SUSD6: variants seen among roughly 807,000 people sequenced by gnomAD.
The protein encoded by SUSD6 is sushi domain-containing protein 6.
Under a neutral mutation model 28.4 loss-of-function variants are expected in SUSD6, and 16 were observed. That is an observed-to-expected ratio of 0.56 (90% CI 0.38 to 0.86). The LOEUF (loss-of-function observed/expected upper bound fraction) is 0.86. Ranked by LOEUF, SUSD6 falls within the 40% of genes least tolerant of loss-of-function variation. SUSD6 has a pLI of 0.00. For missense variants in SUSD6, 341 were observed against 384.2 expected, an observed-to-expected ratio of 0.89 and a Z score of 0.94; for synonymous variants, 147 against 159.6, an observed-to-expected ratio of 0.92 and a Z score of 0.59.
chr14:69,703,708 T>C (rs906971198), intron 3 of SUSD6, 116 bp downstream of exon 3: 7 of 905,504 alleles, frequency 7.7e-6, no homozygotes, highest in Non-Finnish European at 1.2e-5. Context: ...CCAGCCCCAG[T>C]TGATGCTCTG....
rs1243734984 is a variant in SUSD6, at chr14:69,708,899, T to G, written c.681T>G (p.Gly227=). The G allele has an allele frequency of 3.1e-6, 5 of 1,613,958 alleles. No individual in the cohort carries two copies. Among genetic ancestry groups the G allele is most frequent in the Non-Finnish European group, 4.2e-6 (5 of 1,179,954 alleles). The part of the protein sequence containing the change: ...LPDQGACSSA[G]GEDEAPGQSG... ...ACCAAGGGGCCTGCTCCTCTGCAGGTGGAGAAGATGAGGCCCCAGGCCAGT... is the reference window on the plus strand; with the variant it reads ...ACCAAGGGGCCTGCTCCTCTGCAGGGGGAGAAGATGAGGCCCCAGGCCAGT... Residue 227 remains glycine (G), a synonymous_variant, in exon 5 of 6, where the codon GGT becomes GGG. Coordinates refer to ENST00000342745, the MANE Select transcript of SUSD6 (RefSeq NM_014734.4).
At chr14:69,661,734 A>G (rs910690731) in intron 2 of SUSD6, among the ~76,000 whole-genome samples, 1 of 152,072 alleles carries the variant, frequency 6.6e-6, no homozygotes, top group African/African-American at 2.4e-5. Flanking sequence ...GATCTCAGAT[A>G]CTCTGAAGCC....
At chr14:69,654,790 G>GTGTGT (rs1491558166) in intron 1 of SUSD6, among the ~76,000 whole-genome samples, 3 of 98,986 alleles carry the variant, frequency 3.0e-5, no homozygotes, top group African/African-American at 1.2e-4. Context: ...TTTTTTTTTT[G>GTGTGT]GTGTGTGTGT....
chr14:69,660,722 G>A (rs1885649762), intron 2 of SUSD6, among the ~76,000 whole-genome samples: 1 of 152,216 alleles, frequency 6.6e-6, no homozygotes, highest in Admixed American at 6.5e-5. Context: ...TTTTTAAATG[G>A]TTGGAAAAAT....
At chr14:69,633,959 G>A (rs1447994683) in intron 1 of SUSD6, among the ~76,000 whole-genome samples, 3 of 152,206 alleles carry the variant, frequency 2.0e-5, no homozygotes, top group African/African-American at 4.8e-5. Context: ...AGCAGCAGCT[G>A]GAGGCTGGGG....
rs1886517068 is a variant in SUSD6, at chr14:69,714,449, A to G, written c.*3470A>G. Reference sequence around the variant, plus strand: ...TCCTTACTCCTCACCCCCAAAGAAAAAAAAAAGGCCTAGCAGGGAAGCAGC... The same window carrying G: ...TCCTTACTCCTCACCCCCAAAGAAAGAAAAAAGGCCTAGCAGGGAAGCAGC... On this transcript the variant is annotated 3_prime_UTR_variant, in exon 6 of 6. Transcript: ENST00000342745. The G allele has an allele frequency of 6.6e-6, 1 of 152,142 alleles. No individual in the cohort carries two copies. Among genetic ancestry groups the G allele is most frequent in the South Asian group, 2.1e-4 (1 of 4,824 alleles). The allele number at this position is 152,142 out of a possible 1,614,324, so 9.4% of individuals were successfully genotyped here.
At chr14:69,636,781 TG>T (rs1344036190) in intron 1 of SUSD6, among the ~76,000 whole-genome samples, 3 of 152,152 alleles carry the variant, frequency 2.0e-5, no homozygotes, top group African/African-American at 7.2e-5. Context: ...CCTAGCCTAG[TG>T]GAGAACAGTT....
chr14:69,659,306 T>C (rs916842387), intron 2 of SUSD6, among the ~76,000 whole-genome samples: 1 of 152,202 alleles, frequency 6.6e-6, no homozygotes, highest in Non-Finnish European at 1.5e-5. Context: ...ACACTACAAA[T>C]GTTGTGATCT....
At chr14:69,701,702 T>G (rs546817410) in intron 2 of SUSD6, among the ~76,000 whole-genome samples, 1 of 152,136 alleles carries the variant, frequency 6.6e-6, no homozygotes, top group Non-Finnish European at 1.5e-5. Context: ...TAGAGGGGAC[T>G]TGGGGGGAGC....
At chr14:69,685,406 A>G (rs1158401928) in intron 2 of SUSD6, among the ~76,000 whole-genome samples, 1 of 152,214 alleles carries the variant, frequency 6.6e-6, no homozygotes, top group Non-Finnish European at 1.5e-5. Context: ...CTGATTGCAC[A>G]TTTGACAAGT....
At chr14:69,647,259 T>G (rs1012670623) in intron 1 of SUSD6, among the ~76,000 whole-genome samples, 1 of 152,214 alleles carries the variant, frequency 6.6e-6, no homozygotes, top group Non-Finnish European at 1.5e-5. Context: ...TTTTGAAAGA[T>G]AAATACTTTG....
chr14:69,637,604 A>G (rs953121600), intron 1 of SUSD6, among the ~76,000 whole-genome samples: 5 of 152,128 alleles, frequency 3.3e-5, no homozygotes, highest in Non-Finnish European at 5.9e-5. Context: ...AGTGTGTCTC[A>G]TTGTGGCAAA....
intron 2 of SUSD6, among the ~76,000 whole-genome samples, chr14:69,683,068 GCTCT>G (rs1886021805): frequency 6.7e-6 from 1 of 149,652 alleles, no homozygotes; most frequent in South Asian, 2.1e-4. Flanking sequence ...CCCTTGAAGA[GCTCT>G]GGAGCCTGAA....
chr14:69,624,362 C>G (rs781400410), intron 1 of SUSD6, among the ~76,000 whole-genome samples: 4 of 152,102 alleles, frequency 2.6e-5, no homozygotes, highest in African/African-American at 9.7e-5. Flanking sequence ...AGAAAGTATC[C>G]ACGGAATCAG....
chr14:69,626,830 G>T (rs1030602503), intron 1 of SUSD6, among the ~76,000 whole-genome samples: 1 of 151,054 alleles, frequency 6.6e-6, no homozygotes, highest in Non-Finnish European at 1.5e-5. Flanking sequence ...TTACAGGCAC[G>T]CATCACTATA....
In SUSD6 at chr14:69,611,758, TGCGG is replaced by T. The variant is rs1884876737; in HGVS notation, c.-147_-144del. 6.8e-6 allele frequency: 1 copy of T among 147,110 alleles called. No homozygotes were observed. Among genetic ancestry groups the T allele is most frequent in the Non-Finnish European group, 1.5e-5 (1 of 66,400 alleles). The allele number at this position is 147,110 out of a possible 1,614,324, so 9.1% of individuals were successfully genotyped here. On this transcript the variant is annotated 5_prime_UTR_variant, in exon 1 of 6. Coordinates refer to ENST00000342745, the MANE Select transcript of SUSD6 (RefSeq NM_014734.4). Reference sequence around the variant, plus strand: ...GGGCCTCGCCTAGACCCGAGAAGACTGCGGGCGCGCGCAAGCGGCGGCGTGGAAG... The same window carrying T: ...GGGCCTCGCCTAGACCCGAGAAGACTGCGCGCGCAAGCGGCGGCGTGGAAG...
intron 2 of SUSD6, among the ~76,000 whole-genome samples, chr14:69,693,502 C>A (rs1224895163): frequency 6.6e-6 from 1 of 152,164 alleles, no homozygotes; most frequent in Non-Finnish European, 1.5e-5. Flanking sequence ...AGTGCTTATC[C>A]TGCTCTGTTT....
At chr14:69,620,247 G>T (rs1885018289) in intron 1 of SUSD6, among the ~76,000 whole-genome samples, 1 of 152,154 alleles carries the variant, frequency 6.6e-6, no homozygotes, top group Non-Finnish European at 1.5e-5. Context: ...AAGAAAAACA[G>T]GCTCTGAGTT....
At chr14:69,682,257 A>C (rs192586042) in intron 2 of SUSD6, among the ~76,000 whole-genome samples, 40 of 152,280 alleles carry the variant, frequency 2.6e-4, no homozygotes, top group Admixed American at 2.5e-3. Flanking sequence ...GGATCTTTTG[A>C]GCCCAGGAGT....
Sources: allele counts gnomAD v4.1 joint callset (sites outside exome capture counted in the v4.1 genomes callset), GRCh38; gene constraint gnomAD v4.1.1; transcripts MANE v1.5; gene names NCBI Gene and HGNC (gene_info 2026-07-23, HGNC 2026-07-21).